The following STK33 variants were observed in gnomAD, a reference collection of about 807,000 sequenced individuals.
The protein encoded by STK33 is serine/threonine kinase 33.
In STK33, 52 loss-of-function variants were observed where a neutral mutation model predicts 58.0. The observed-to-expected ratio is 0.90, with a 90% confidence interval of 0.72 to 1.13. The LOEUF (loss-of-function observed/expected upper bound fraction) is 1.13, where lower values mean the gene tolerates loss of function less well. Ranked by LOEUF, STK33 falls within the 50% of genes most tolerant of loss-of-function variation. STK33 has a pLI of 0.00. For synonymous variants in STK33, 215 were observed against 200.1 expected (o/e 1.07, Z -0.63); for missense variants, 630 against 604.2 (o/e 1.04, Z -0.45).
At chr11:8,498,740 G>C (rs944438641) in intron 1 of STK33, among the ~76,000 whole-genome samples, 1 of 152,106 alleles carries the variant, frequency 6.6e-6, no homozygotes, top group African/African-American at 2.4e-5. Context: ...CAGATATATA[G>C]ACCAATGGAA....
intron 9 of STK33, among the ~76,000 whole-genome samples, chr11:8,455,736 G>A (rs947387117): frequency 2.0e-5 from 3 of 151,048 alleles, no homozygotes; most frequent in African/African-American, 7.3e-5. Context: ...GCGTGAGGCT[G>A]GGAGGCGGAG....
chr11:8,507,351 C>G (rs1402325295), intron 1 of STK33, among the ~76,000 whole-genome samples: 1 of 152,152 alleles, frequency 6.6e-6, no homozygotes, highest in African/African-American at 2.4e-5. Context: ...TTAGTTTACT[C>G]ATCAGTAAAT....
intron 1 of STK33, among the ~76,000 whole-genome samples, chr11:8,561,922 G>A (rs569617377): frequency 1.3e-5 from 2 of 152,218 alleles, no homozygotes; most frequent in Non-Finnish European, 2.9e-5. Context: ...CTGCTTCAAT[G>A]TGTTGGCTTG....
chr11:8,488,783 A>C (rs1277352232), intron 1 of STK33, among the ~76,000 whole-genome samples: 1 of 152,162 alleles, frequency 6.6e-6, no homozygotes, highest in Non-Finnish European at 1.5e-5. Context: ...TAAAATGTCC[A>C]ATTTTCAACA....
At chr11:8,563,978 T>C (rs1458754493) in intron 1 of STK33, among the ~76,000 whole-genome samples, 1 of 152,058 alleles carries the variant, frequency 6.6e-6, no homozygotes, top group Non-Finnish European at 1.5e-5. Context: ...GATGGTGAGG[T>C]AGACAAGGAG....
At chr11:8,340,304 T>G in the STK33 span, among the ~76,000 whole-genome samples, 2 of 152,178 alleles carry the variant, frequency 1.3e-5, no homozygotes, top group Non-Finnish European at 2.9e-5. Context: ...CCTTAGGTGA[T>G]CTCTAAGGTC....
intron 6 of STK33, among the ~76,000 whole-genome samples, chr11:8,471,714 T>C (rs1948797203): frequency 6.6e-6 from 1 of 152,130 alleles, no homozygotes; most frequent in Non-Finnish European, 1.5e-5. Flanking sequence ...TATGTATATA[T>C]ATTTGAAATA....
chr11:8,554,975 C>T (rs1241033370), intron 1 of STK33: 1 of 152,084 alleles, frequency 6.6e-6, no homozygotes, highest in East Asian at 1.9e-4. Context: ...GCCTGGGGGA[C>T]ATTATGTTAA....
chr11:8,474,802 G>A lies in STK33; in HGVS notation c.104C>T (p.Pro35Leu). Residue 35 changes from proline to leucine, a missense_variant, in exon 5 of 16, where the codon CCT becomes CTT. Transcript: ENST00000687296. ...LCVCSSKTRV[P>L]PVLVVEMSQT... is the part of the protein sequence containing the mutation. The stretch of plus-strand genomic sequence containing the variant: ...TGACATTTCCACCACCAAAACTGGA[G>A]GAACCCTTGTTTTGCTGGAACATAC... 1 of 1,613,276 alleles carries A rather than the reference G, an allele frequency of 6.2e-7. No individual in the cohort carries two copies. The highest frequency in any genetic ancestry group is 8.5e-7 in the Non-Finnish European group (1 of 1,179,708).
At chr11:8,405,132 T>A (rs1938877684) in intron 15 of STK33, among the ~76,000 whole-genome samples, 1 of 152,126 alleles carries the variant, frequency 6.6e-6, no homozygotes, top group African/African-American at 2.4e-5. Flanking sequence ...CAAGACTCCA[T>A]CACACACATA....
At chr11:8,544,796 C>T (rs1446462) in intron 1 of STK33, among the ~76,000 whole-genome samples, 83,688 of 151,930 alleles carry the variant, frequency 0.55, 23,406 homozygotes, top group African/African-American at 0.65. Context: ...AAATTACAAA[C>T]ACTAAGTCAA....
Position 8,454,723 on chromosome 11 carries a change from TACC to T in STK33, c.786+18_786+20del. On this transcript the variant is annotated intron_variant, in intron 10 of 15. Transcript: ENST00000687296. ...ATCAAACTGTTTACAGGCAAATATT[TACC>T]ACCATTGCTAATCTTACCTTTATGT... 1 of 1,558,996 alleles carries T rather than the reference TACC, an allele frequency of 6.4e-7. No homozygotes were observed. The highest frequency in any genetic ancestry group is 8.7e-7 in the Non-Finnish European group (1 of 1,150,832).
downstream of STK33, among the ~76,000 whole-genome samples, chr11:8,387,967 A>G (rs1203360065): frequency 1.3e-5 from 2 of 152,208 alleles, no homozygotes; most frequent in Non-Finnish European, 2.9e-5. Flanking sequence ...GGAGACTTCT[A>G]TGGCCCCTGT....
In STK33 at chr11:8,406,227, C is replaced by G. The variant is rs1466793929; in HGVS notation, c.1344+7268G>C. On this transcript the variant is annotated intron_variant, in intron 15 of 15. Coordinates refer to ENST00000687296, the MANE Select transcript of STK33 (RefSeq NM_001352389.2). ...AGACTCCCAATTTTGTTCTACTAAT[C>G]TATTTGTTTATCCTTACATCAATAC... Among the ~76,000 whole-genome samples, 8 of 149,986 alleles carry G rather than the reference C, an allele frequency of 5.3e-5. No individual in the cohort carries two copies. In the East Asian group the frequency reaches 6.0e-4, roughly 11 times the overall value.
At chr11:8,554,689 G>T (rs888598392) in intron 1 of STK33, among the ~76,000 whole-genome samples, 1 of 151,980 alleles carries the variant, frequency 6.6e-6, no homozygotes, top group African/African-American at 2.4e-5. Context: ...TATAAAAAAC[G>T]GTATGGAGAT....
At chr11:8,442,868 A>G (rs760265567) in intron 11 of STK33, among the ~76,000 whole-genome samples, 1 of 152,198 alleles carries the variant, frequency 6.6e-6, no homozygotes, top group African/African-American at 2.4e-5. Flanking sequence ...GACACAGAAG[A>G]GTATGTACTG....
Position 8,452,886 on chromosome 11 carries a change from C to T in STK33, c.807G>A (p.Ala269=), listed in dbSNP as rs557756682. 9 of 1,614,134 alleles carry T rather than the reference C, an allele frequency of 5.6e-6. No homozygotes were observed. Among genetic ancestry groups the T allele is most frequent in the East Asian group, 2.2e-5 (1 of 44,882 alleles). ...LNIKVTDFGL[A]VKKQSRSEAM... Reference sequence around the variant, plus strand: ...CTTCACTCCTACTTTGCTTCTTCACCGCTAAGCCAAAATCAGTCACCTGGG... The same window carrying T: ...CTTCACTCCTACTTTGCTTCTTCACTGCTAAGCCAAAATCAGTCACCTGGG... The change falls in exon 11 of 16, where the codon GCG becomes GCA. Residue 269 remains alanine, a synonymous_variant. Coordinates refer to ENST00000687296, the MANE Select transcript of STK33 (RefSeq NM_001352389.2).
intron 1 of STK33, among the ~76,000 whole-genome samples, chr11:8,497,886 C>T (rs1012494460): frequency 6.6e-6 from 1 of 152,186 alleles, no homozygotes; most frequent in African/African-American, 2.4e-5. Flanking sequence ...GATACCAAAA[C>T]CAGTCAAAGA....
intron 1 of STK33, among the ~76,000 whole-genome samples, chr11:8,509,108 C>A: frequency 8.1e-6 from 1 of 123,900 alleles, no homozygotes; most frequent in African/African-American, 3.1e-5. Flanking sequence ...AAGAGCAAAA[C>A]TCTGTCTCAA....
Sources: gnomAD v4.1 joint callset for allele counts (sites outside exome capture counted in the v4.1 genomes callset) on GRCh38, gnomAD v4.1.1 for gene constraint, MANE v1.5 for transcripts, NCBI Gene and HGNC (gene_info 2026-07-23, HGNC 2026-07-21) for gene names.